The following GRK3 variants were observed in gnomAD, a reference collection of about 807,000 sequenced individuals.
GRK3 encodes the protein adrenergic, beta, receptor kinase 2.
A neutral mutation model predicts 95.7 loss-of-function variants in GRK3; 54 were observed. That is an observed-to-expected ratio of 0.56 (90% CI 0.45 to 0.71). GRK3 has a LOEUF of 0.71. Among genes scored for constraint, GRK3 ranks in the 30% least tolerant of loss-of-function variants. The probability of loss-of-function intolerance (pLI) is 0.00; values close to 1 mark genes in which losing one functional copy is unlikely to be tolerated. For missense variants in GRK3, 649 were observed against 851.2 expected (o/e 0.76, Z 2.96); for synonymous variants, 281 against 290.8 (o/e 0.97, Z 0.34).
chr22:25,711,799 C>G (rs1028881820), intron 17 of GRK3, among the ~76,000 whole-genome samples: 1 of 152,174 alleles, frequency 6.6e-6, no homozygotes. Flanking sequence ...CCCCTGCCCC[C>G]GGGCCTTCCC....
intron 1 of GRK3, among the ~76,000 whole-genome samples, chr22:25,571,910 G>A (rs1432565049): frequency 1.3e-5 from 2 of 151,946 alleles, no homozygotes; most frequent in Non-Finnish European, 1.5e-5. Context: ...CAACATGCAG[G>A]TTTGTTGTAT....
At chr22:25,693,475 C>G (rs2085181212) in intron 12 of GRK3, among the ~76,000 whole-genome samples, 1 of 152,182 alleles carries the variant, frequency 6.6e-6, no homozygotes, top group Non-Finnish European at 1.5e-5. Flanking sequence ...CCAGGCAACC[C>G]TGAAATTAAA....
At chr22:25,626,546 C>T (rs1280799423) in intron 2 of GRK3, among the ~76,000 whole-genome samples, 1 of 152,170 alleles carries the variant, frequency 6.6e-6, no homozygotes, top group Non-Finnish European at 1.5e-5. Flanking sequence ...AGAGTGAACT[C>T]TCACTAGAGG....
At chr22:25,674,654 A>G in intron 8 of GRK3, 126 bp downstream of exon 8, 1 of 750,406 alleles carries the variant, frequency 1.3e-6, no homozygotes, top group Non-Finnish European at 2.2e-6. Context: ...TACCTCCAAA[A>G]GAAATAAGCT....
chr22:25,616,387 G>GGAGA (rs143019947), intron 2 of GRK3, among the ~76,000 whole-genome samples: 3,165 of 149,706 alleles, frequency 0.021, 55 homozygotes, highest in Middle Eastern at 0.069. Context: ...AGAGAGGGAG[G>GGAGA]GAGAGAGAGA....
chr22:25,720,519 C>T (rs899458118), intron 19 of GRK3, among the ~76,000 whole-genome samples: 3 of 145,800 alleles, frequency 2.1e-5, no homozygotes, highest in Non-Finnish European at 3.0e-5. Context: ...CTCTGTCGCC[C>T]AGGCTGGAGT....
intron 1 of GRK3, among the ~76,000 whole-genome samples, chr22:25,569,569 G>A (rs1601441022): frequency 6.6e-6 from 1 of 152,172 alleles, no homozygotes; most frequent in African/African-American, 2.4e-5. Flanking sequence ...CCAAACATCT[G>A]TTTGGACAAG....
intron 3 of GRK3, among the ~76,000 whole-genome samples, chr22:25,646,737 G>A (rs2084785234): frequency 1.3e-5 from 2 of 152,120 alleles, no homozygotes; most frequent in Non-Finnish European, 2.9e-5. Context: ...AAAAAAGACA[G>A]TGAGGCTGGG....
chr22:25,685,534 C>G (rs909299865), intron 10 of GRK3, among the ~76,000 whole-genome samples: 1 of 152,170 alleles, frequency 6.6e-6, no homozygotes, highest in Non-Finnish European at 1.5e-5. Flanking sequence ...TGCAGCTGGC[C>G]TAGATCTTTA....
chr22:25,694,377 A>C lies in GRK3; in HGVS notation c.1053-730A>C, dbSNP rs143346706. Among the ~76,000 whole-genome samples, 627 of 152,242 alleles carry C rather than the reference A, an allele frequency of 4.1e-3. 5 individuals carry two copies. Among genetic ancestry groups the C allele is most frequent in the African/African-American group, 0.015 (612 of 41,556 alleles). ...GCCGGGCAAGCTCAGCCCTTCAAGG[A>C]GGGGTGGAGAGTGCTAGAGTGGGAA... On this transcript the variant is annotated intron_variant, in intron 12 of 20. Coordinates refer to ENST00000324198, the MANE Select transcript of GRK3 (RefSeq NM_005160.4).
At chr22:25,674,629 T>C (rs1173310916) in intron 8 of GRK3, 101 bp downstream of exon 8, 4 of 895,106 alleles carry the variant, frequency 4.5e-6, no homozygotes, top group Non-Finnish European at 5.3e-6. Flanking sequence ...CTATGACATT[T>C]CTTTTGAAGT....
intron 9 of GRK3, among the ~76,000 whole-genome samples, chr22:25,679,259 G>A (rs2085056309): frequency 6.6e-6 from 1 of 152,198 alleles, no homozygotes; most frequent in South Asian, 2.1e-4. Flanking sequence ...ACCTAGAGGG[G>A]AAAAGTAAGA....
intron 3 of GRK3, among the ~76,000 whole-genome samples, chr22:25,659,391 G>C (rs1172869107): frequency 6.6e-6 from 1 of 152,204 alleles, no homozygotes; most frequent in Non-Finnish European, 1.5e-5. Flanking sequence ...CAGAAGCAGA[G>C]ACTATGACAC....
At chr22:25,596,198 G>A (rs979760851) in intron 1 of GRK3, among the ~76,000 whole-genome samples, 8 of 152,180 alleles carry the variant, frequency 5.3e-5, no homozygotes, top group Admixed American at 4.6e-4. Context: ...TTCTTCAAGA[G>A]TATTCATGGG....
rs1931489884 is a variant in GRK3, at chr22:25,566,460, T to C, written c.113+1307T>C. Among the ~76,000 whole-genome samples the C allele has an allele frequency of 2.0e-5, 3 of 152,200 alleles. No homozygotes were observed. In the South Asian group the frequency reaches 6.2e-4, roughly 31 times the overall value. ...TTGTTATTTGTTGTGAAAAGCTAAA[T>C]TGTGCAAATGAAGACATGCTTGCTA... is the stretch of plus-strand genomic sequence containing the variant. On this transcript the variant is annotated intron_variant, in intron 1 of 20. Transcript: ENST00000324198.
chr22:25,629,297 G>A (rs2084648474), intron 2 of GRK3, among the ~76,000 whole-genome samples: 2 of 152,220 alleles, frequency 1.3e-5, no homozygotes, highest in Admixed American at 1.3e-4. Context: ...CAAGTGGATG[G>A]CAGAGAATTG....
At chr22:25,685,276 C>G in intron 10 of GRK3, 28 bp downstream of exon 10, 1 of 1,521,946 alleles carries the variant, frequency 6.6e-7, no homozygotes, top group Non-Finnish European at 9.1e-7. Flanking sequence ...AATCTGAATG[C>G]CTTGAAAGAC....
intron 12 of GRK3, among the ~76,000 whole-genome samples, chr22:25,691,972 T>TTA (rs1311774627): frequency 6.6e-6 from 1 of 152,114 alleles, no homozygotes; most frequent in African/African-American, 2.4e-5. Context: ...TTTATATTTT[T>TTA]TATTTTTTTG....
At chr22:25,688,122 G>A (rs575364642) in intron 11 of GRK3, among the ~76,000 whole-genome samples, 1 of 151,680 alleles carries the variant, frequency 6.6e-6, no homozygotes, top group South Asian at 2.1e-4. Flanking sequence ...TGTAGTCCCA[G>A]CTACTCAGGA....
Sources: gnomAD v4.1 joint callset for allele counts (sites outside exome capture counted in the v4.1 genomes callset) on GRCh38, gnomAD v4.1.1 for gene constraint, MANE v1.5 for transcripts, NCBI Gene and HGNC (gene_info 2026-07-23, HGNC 2026-07-21) for gene names.